PSD3: variants seen among roughly 807,000 people sequenced by gnomAD.
PSD3 encodes the protein pleckstrin and Sec7 domain containing 3, also known as PH and SEC7 domain-containing protein 3.
Under a neutral mutation model 105.5 loss-of-function variants are expected in PSD3, and 49 were observed. The ratio of observed to expected loss-of-function variants is 0.46; its 90% CI spans 0.37 to 0.59. PSD3 has a LOEUF of 0.59. Ranked by LOEUF, PSD3 falls within the 20% of genes least tolerant of loss-of-function variation. The pLI is 0.00. For missense variants in PSD3, 1,561 were observed against 1,263.8 expected, an observed-to-expected ratio of 1.24 and a Z score of -3.57; for synonymous variants, 557 against 457.8, an observed-to-expected ratio of 1.22 and a Z score of -2.77.
At chr8:18,868,326 T>C (rs974787941) in intron 3 of PSD3, among the ~76,000 whole-genome samples, 1 of 152,202 alleles carries the variant, frequency 6.6e-6, no homozygotes, top group African/African-American at 2.4e-5. Context: ...TCTGGTCCAA[T>C]GAAGATATGA....
intron 9 of PSD3, among the ~76,000 whole-genome samples, chr8:18,746,572 C>T (rs1293220533): frequency 6.6e-6 from 1 of 152,190 alleles, no homozygotes; most frequent in Admixed American, 6.5e-5. Flanking sequence ...AAAAATTCTG[C>T]ATCAGTAATA....
chr8:19,084,600 T>C, exon 1 of PSD3: 1 of 354,744 alleles, frequency 2.8e-6, no homozygotes, highest in Non-Finnish European at 5.6e-6. Flanking sequence ...GGCAGGGGCC[T>C]GGCAATGCCT....
At chr8:18,667,780 G>A (rs113847890) in intron 9 of PSD3, among the ~76,000 whole-genome samples, 1 of 152,162 alleles carries the variant, frequency 6.6e-6, no homozygotes, top group Admixed American at 6.5e-5. Flanking sequence ...ATGGCGGGGT[G>A]GGGGAGGCTC....
At position 19,079,461 on chromosome 8, in the gene PSD3, A is replaced by G. The variant is rs577975386; in HGVS notation, c.324+4745T>C. Among the ~76,000 whole-genome samples the G allele has an allele frequency of 2.6e-5, 4 of 152,332 alleles. No individual in the cohort carries two copies. In the South Asian group the frequency reaches 8.3e-4, roughly 32 times the overall value. ...TTATAAAATTCTAAATGACTCACCA[A>G]GTAGAATTAATATAAAGACAGAATT... On this transcript the variant is annotated intron_variant, in intron 1 of 1. Transcript: ENST00000521475.
At chr8:18,891,064 C>T (rs1203448589) in intron 2 of PSD3, among the ~76,000 whole-genome samples, 1 of 152,136 alleles carries the variant, frequency 6.6e-6, no homozygotes, top group Non-Finnish European at 1.5e-5. Flanking sequence ...TAACCCAGAG[C>T]TTACTATGGA....
intron 2 of PSD3, among the ~76,000 whole-genome samples, chr8:18,905,484 C>T (rs748208352): frequency 3.3e-5 from 5 of 152,078 alleles, no homozygotes; most frequent in Admixed American, 6.6e-5. Context: ...CCACCATTCC[C>T]GGATAATTTT....
Position 18,804,622 on chromosome 8 carries a change from A to C in PSD3, c.1830-20T>G, listed in dbSNP as rs748587663. The C allele has an allele frequency of 5.6e-6, 9 of 1,611,190 alleles. No homozygotes were observed. In the South Asian group the frequency reaches 8.8e-5, roughly 16 times the overall value. ...TCGTTGCTATAAGAAAACAGAATAG[A>C]CTTGGTTATTGAAAGGTAAACTATT... is the stretch of plus-strand genomic sequence containing the variant. On this transcript the variant is annotated intron_variant, in intron 5 of 15. Transcript: ENST00000327040.
intron 4 of PSD3, among the ~76,000 whole-genome samples, chr8:18,827,981 G>A (rs1361233384): frequency 7.1e-6 from 1 of 141,506 alleles, no homozygotes; most frequent in Admixed American, 7.2e-5. Context: ...AAATCATTTG[G>A]GTCTCATAAA....
rs913285506 is a variant in PSD3 at position 18,976,981 on chromosome 8, T to A, written c.21+36582A>T. On this transcript the variant is annotated intron_variant, in intron 1 of 15. Coordinates refer to ENST00000327040, the MANE Select transcript of PSD3 (RefSeq NM_015310.4). ...TTTAAAAAATAGAGAAAGACTATTG[T>A]TTGACTTTGTTTTTAAAGTCTAACG... is the stretch of plus-strand genomic sequence containing the variant. 1.3e-4 allele frequency among the ~76,000 whole-genome samples: 20 copies of A among 152,280 alleles called. No homozygotes were observed. The South Asian group carries it at 3.9e-3, about 30-fold the overall frequency.
At chr8:18,802,912 A>G (rs1810831453) in intron 6 of PSD3, among the ~76,000 whole-genome samples, 1 of 152,234 alleles carries the variant, frequency 6.6e-6, no homozygotes, top group African/African-American at 2.4e-5. Context: ...TGTTGCAAAC[A>G]GTTTTATAGA....
intron 13 of PSD3, among the ~76,000 whole-genome samples, chr8:18,573,750 G>C (rs1585276873): frequency 6.6e-6 from 1 of 152,274 alleles, no homozygotes; most frequent in Non-Finnish European, 1.5e-5. Flanking sequence ...CAATACTGCA[G>C]AGGCAGAAAG....
At chr8:18,710,888 G>A (rs1374515661) in intron 9 of PSD3, among the ~76,000 whole-genome samples, 1 of 151,960 alleles carries the variant, frequency 6.6e-6, no homozygotes, top group East Asian at 1.9e-4. Flanking sequence ...CACCATATTG[G>A]ACCAGGCTGG....
chr8:19,077,515 C>T (rs59335729), intron 1 of PSD3, among the ~76,000 whole-genome samples: 10,392 of 152,158 alleles, frequency 0.068, 642 homozygotes, highest in African/African-American at 0.16. Flanking sequence ...TATCTGACAA[C>T]GTCAACTCCA....
At chr8:18,600,504 A>G (rs932463812) in intron 11 of PSD3, 70 bp from the exon 12 acceptor site, 20 of 1,244,866 alleles carry the variant, frequency 1.6e-5, no homozygotes, top group South Asian at 2.6e-5. Flanking sequence ...TAAATGATCA[A>G]CATGGTGACA....
chr8:18,685,810 A>G (rs1456103648), intron 9 of PSD3, among the ~76,000 whole-genome samples: 1 of 152,204 alleles, frequency 6.6e-6, no homozygotes, highest in East Asian at 1.9e-4. Context: ...AGTAAGCTTG[A>G]GGTGGAACCC....
chr8:19,084,249 G>T (rs1224234518), exon 1 of PSD3: 2 of 455,390 alleles, frequency 4.4e-6, no homozygotes, highest in African/African-American at 4.0e-5. Flanking sequence ...GCCCTTGCTG[G>T]TGTGCACAGC....
chr8:18,841,413 G>A (rs1166210936), intron 4 of PSD3, among the ~76,000 whole-genome samples: 2 of 151,958 alleles, frequency 1.3e-5, no homozygotes, highest in East Asian at 1.9e-4. Context: ...TCAAACAGCT[G>A]ATAAAACTTA....
chr8:18,700,372 T>C (rs982532941), intron 9 of PSD3, among the ~76,000 whole-genome samples: 5 of 152,190 alleles, frequency 3.3e-5, no homozygotes, highest in African/African-American at 7.2e-5. Context: ...TTATTAGTAA[T>C]AGGAAAAATG....
At chr8:18,964,876 G>A (rs1188945278) in intron 1 of PSD3, among the ~76,000 whole-genome samples, 1 of 152,118 alleles carries the variant, frequency 6.6e-6, no homozygotes, top group African/African-American at 2.4e-5. Context: ...TATTTGTGTG[G>A]CCTTCAGGTC....
Sources: allele counts gnomAD v4.1 joint callset (sites outside exome capture counted in the v4.1 genomes callset), GRCh38; gene constraint gnomAD v4.1.1; transcripts MANE v1.5; gene names NCBI Gene and HGNC (gene_info 2026-07-23, HGNC 2026-07-21).